Variants in INSC observed in about 807,000 individuals in gnomAD.
INSC encodes the protein protein inscuteable homolog.
In INSC, 67 loss-of-function variants were observed where a neutral mutation model predicts 58.6. The observed-to-expected ratio is 1.14, with a 90% CI of 0.94 to 1.40. INSC has a LOEUF of 1.40. Among genes scored for constraint, INSC ranks in the 40% most tolerant of loss-of-function variants. INSC has a pLI of 0.00. For missense variants in INSC, 714 were observed against 692.0 expected (o/e 1.03, Z -0.36); for synonymous variants, 262 against 276.1 (o/e 0.95, Z 0.51).
intron 2 of INSC, among the ~76,000 whole-genome samples, chr11:15,165,931 C>G (rs1252841602): frequency 6.6e-6 from 1 of 152,094 alleles, no homozygotes; most frequent in East Asian, 1.9e-4. Context: ...CTTGAGCGAG[C>G]CTCATGACCC....
chr11:15,186,377 T>C (rs1329333294), intron 5 of INSC, among the ~76,000 whole-genome samples: 3 of 152,230 alleles, frequency 2.0e-5, no homozygotes, highest in Non-Finnish European at 4.4e-5. Flanking sequence ...GTCTCTTTCC[T>C]AACTTATAGA....
chr11:15,232,813 C>T (rs573464422), intron 9 of INSC, among the ~76,000 whole-genome samples: 64 of 152,250 alleles, frequency 4.2e-4, no homozygotes, highest in African/African-American at 1.4e-3. Flanking sequence ...GAAGGATATA[C>T]TCCCCTGAGC....
intron 1 of INSC, among the ~76,000 whole-genome samples, chr11:15,124,294 A>G (rs1406085468): frequency 1.3e-5 from 2 of 152,124 alleles, no homozygotes; most frequent in African/African-American, 4.8e-5. Flanking sequence ...GCTGGGTATG[A>G]TTGCAGGGTG....
intron 6 of INSC, among the ~76,000 whole-genome samples, chr11:15,191,829 A>G (rs1316077476): frequency 6.6e-6 from 1 of 152,192 alleles, no homozygotes; most frequent in African/African-American, 2.4e-5. Context: ...GAACCTCAGC[A>G]TCTGCCTATG....
chr11:15,205,584 G>A (rs1850763311), intron 7 of INSC, among the ~76,000 whole-genome samples: 1 of 152,186 alleles, frequency 6.6e-6, no homozygotes, highest in Non-Finnish European at 1.5e-5. Flanking sequence ...GAAGGTTAGG[G>A]TCTGGTGGGG....
At chr11:15,113,679 T>C (rs906683631), upstream of INSC, among the ~76,000 whole-genome samples, 5 of 151,820 alleles carry the variant, frequency 3.3e-5, no homozygotes, top group Non-Finnish European at 7.4e-5. Flanking sequence ...GAGGGTAGAG[T>C]TGAAGCTGGC....
At chr11:15,245,680 A>G (rs971088169) in intron 12 of INSC, among the ~76,000 whole-genome samples, 5 of 152,232 alleles carry the variant, frequency 3.3e-5, no homozygotes, top group African/African-American at 1.2e-4. Context: ...GATGACATCT[A>G]TCTTAGTGAT....
intron 1 of INSC, among the ~76,000 whole-genome samples, chr11:15,126,007 A>G (rs976038662): frequency 6.6e-6 from 1 of 152,156 alleles, no homozygotes; most frequent in Non-Finnish European, 1.5e-5. Flanking sequence ...CTGTTGGGGA[A>G]TATTGGGTTG....
intron 1 of INSC, among the ~76,000 whole-genome samples, chr11:15,137,443 A>G (rs1564863895): frequency 6.6e-6 from 1 of 152,176 alleles, no homozygotes; most frequent in Non-Finnish European, 1.5e-5. Context: ...CTTCAAATAT[A>G]AGGCTGTTTT....
intron 1 of INSC, among the ~76,000 whole-genome samples, chr11:15,116,853 C>CTTTCTT (rs1208046828): frequency 4.9e-5 from 2 of 40,446 alleles, no homozygotes; most frequent in African/African-American, 2.2e-4. Context: ...TTCTTTCTCT[C>CTTTCTT]TCTCTCTCTC....
chr11:15,111,481 G>A (rs1198846869), upstream of INSC, among the ~76,000 whole-genome samples: 1 of 152,192 alleles, frequency 6.6e-6, no homozygotes, highest in African/African-American at 2.4e-5. Context: ...GACAGGAGAA[G>A]AATGTGGAGT....
chr11:15,193,476 ATG>A (rs1455769640), intron 6 of INSC, among the ~76,000 whole-genome samples: 10 of 152,028 alleles, frequency 6.6e-5, no homozygotes, highest in African/African-American at 2.4e-4. Context: ...TCAGTGTGTG[ATG>A]TTCCCCTTCC....
chr11:15,168,218 C>T (rs1849270766), intron 2 of INSC, among the ~76,000 whole-genome samples: 1 of 152,162 alleles, frequency 6.6e-6, no homozygotes, highest in South Asian at 2.1e-4. Context: ...AACACATTAC[C>T]TATGTGTTAA....
In INSC at chr11:15,229,059, A is replaced by T. The variant is rs192060866; in HGVS notation, c.1170+3231A>T. On this transcript the variant is annotated intron_variant, in intron 9 of 12. Transcript: ENST00000379556. ...AGCTACAGATCTGACAGGGGGAGGT[A>T]GGAAACGGGCTGCCTCCAAATTTGT... is the stretch of plus-strand genomic sequence containing the variant. Among the ~76,000 whole-genome samples the T allele has an allele frequency of 1.2e-4, 18 of 152,268 alleles. No individual in the cohort carries two copies. In the East Asian group the frequency reaches 3.1e-3, roughly 26 times the overall value.
chr11:15,247,735 A>AGG (rs1435207774), downstream of INSC, among the ~76,000 whole-genome samples: 1 of 49,912 alleles, frequency 2.0e-5, no homozygotes, highest in African/African-American at 9.6e-5. Context: ...GAAATAAGGT[A>AGG]TATATATATA....
At chr11:15,156,142 A>T (rs1164283111) in intron 2 of INSC, among the ~76,000 whole-genome samples, 1 of 152,178 alleles carries the variant, frequency 6.6e-6, no homozygotes, top group Non-Finnish European at 1.5e-5. Flanking sequence ...TGCTGCTACA[A>T]ATCCATCAGA....
At chr11:15,166,501 C>T (rs889527990) in intron 2 of INSC, among the ~76,000 whole-genome samples, 5 of 152,052 alleles carry the variant, frequency 3.3e-5, no homozygotes, top group African/African-American at 1.2e-4. Context: ...GACATCCTAG[C>T]CAAAGACAAA....
intron 8 of INSC, 39 bp downstream of exon 8, chr11:15,221,687 G>A: frequency 1.3e-6 from 2 of 1,557,738 alleles, no homozygotes; most frequent in Non-Finnish European, 1.7e-6. Flanking sequence ...AGGAGAGAGG[G>A]CCTTGGCACA....
chr11:15,198,196 C>T, intron 6 of INSC, among the ~76,000 whole-genome samples: 1 of 152,124 alleles, frequency 6.6e-6, no homozygotes, highest in East Asian at 1.9e-4. Flanking sequence ...AATCAGGTAC[C>T]AGGCCTTTCC....
Sources: gnomAD v4.1 joint callset for allele counts (sites outside exome capture counted in the v4.1 genomes callset) on GRCh38, gnomAD v4.1.1 for gene constraint, MANE v1.5 for transcripts, NCBI Gene and HGNC (gene_info 2026-07-23, HGNC 2026-07-21) for gene names.